The following PRKG1 variants were observed in gnomAD, a reference collection of about 807,000 sequenced individuals.
PRKG1 encodes the protein cGMP-dependent protein kinase 1.
A neutral mutation model predicts 88.1 loss-of-function variants in PRKG1; 35 were observed. That is an observed-to-expected ratio of 0.40 (90% CI 0.30 to 0.53). The LOEUF is 0.53. Among genes scored for constraint, PRKG1 ranks in the 20% least tolerant of loss-of-function variants. PRKG1 has a pLI of 0.59. For missense variants in PRKG1, 540 were observed against 839.8 expected, an observed-to-expected ratio of 0.64 and a Z score of 4.41; for synonymous variants, 303 against 292.5, an observed-to-expected ratio of 1.04 and a Z score of -0.37.
chr10:52,165,978 A>G (rs1245827592), intron 9 of PRKG1, among the ~76,000 whole-genome samples: 2 of 152,172 alleles, frequency 1.3e-5, no homozygotes, highest in Non-Finnish European at 2.9e-5. Flanking sequence ...GTCTCATGAG[A>G]TATATTTTCT....
chr10:51,393,740 A>G (rs1837502140), intron 2 of PRKG1, among the ~76,000 whole-genome samples: 1 of 152,204 alleles, frequency 6.6e-6, no homozygotes, highest in African/African-American at 2.4e-5. Context: ...TCACGTAGGT[A>G]TAGCAGCAGA....
intron 3 of PRKG1, among the ~76,000 whole-genome samples, chr10:51,561,916 T>C (rs988011341): frequency 6.6e-5 from 10 of 152,018 alleles, no homozygotes; most frequent in African/African-American, 9.7e-5. Flanking sequence ...GGAAGTGATA[T>C]AGAACTGGTT....
intron 8 of PRKG1, among the ~76,000 whole-genome samples, chr10:52,154,419 T>C (rs1838029935): frequency 6.6e-6 from 1 of 152,172 alleles, no homozygotes; most frequent in South Asian, 2.1e-4. Context: ...CTTATGTCTT[T>C]ACAGACTAGC....
intron 1 of PRKG1, among the ~76,000 whole-genome samples, chr10:51,129,038 A>G (rs1039881030): frequency 2.0e-5 from 3 of 152,178 alleles, no homozygotes; most frequent in Non-Finnish European, 2.9e-5. Flanking sequence ...CGGTCTCTGT[A>G]AATTTTTCAG....
At chr10:51,206,263 G>A (rs531200711) in intron 2 of PRKG1, among the ~76,000 whole-genome samples, 21 of 151,998 alleles carry the variant, frequency 1.4e-4, no homozygotes, top group African/African-American at 4.3e-4. Flanking sequence ...AGGCCGAGGC[G>A]GGTGGATCAC....
At chr10:51,418,066 T>C (rs1838294461) in intron 2 of PRKG1, among the ~76,000 whole-genome samples, 1 of 152,224 alleles carries the variant, frequency 6.6e-6, no homozygotes. Context: ...TCGTTTTTAT[T>C]CTTCTATGCT....
At chr10:51,370,058 A>G (rs1842669216) in intron 2 of PRKG1, among the ~76,000 whole-genome samples, 1 of 152,028 alleles carries the variant, frequency 6.6e-6, no homozygotes, top group South Asian at 2.1e-4. Flanking sequence ...GAGATGAGTA[A>G]TTTCTTGGTA....
chr10:51,288,934 A>G (rs931182397), intron 2 of PRKG1, among the ~76,000 whole-genome samples: 3 of 152,062 alleles, frequency 2.0e-5, no homozygotes, highest in Non-Finnish European at 4.4e-5. Flanking sequence ...ATTATGTATG[A>G]TATGTAAAAT....
chr10:52,074,418 G>A (rs915106202), intron 7 of PRKG1, among the ~76,000 whole-genome samples: 13 of 152,094 alleles, frequency 8.5e-5, no homozygotes, highest in Non-Finnish European at 1.3e-4. Context: ...GTCATTTTCC[G>A]TGGTGGAAAT....
At chr10:52,068,681 TTCA>T (rs141898847) in intron 7 of PRKG1, among the ~76,000 whole-genome samples, 2 of 151,806 alleles carry the variant, frequency 1.3e-5, no homozygotes, top group African/African-American at 2.4e-5. Flanking sequence ...CATCATCATC[TTCA>T]TCATCATCAT....
intron 2 of PRKG1, among the ~76,000 whole-genome samples, chr10:51,372,109 T>G (rs1842718087): frequency 6.6e-6 from 1 of 152,202 alleles, no homozygotes; most frequent in East Asian, 1.9e-4. Flanking sequence ...TGTTTCAGTA[T>G]TTCATGTCAT....
chr10:50,995,167 C>T (rs1489539063), intron 1 of PRKG1, among the ~76,000 whole-genome samples: 1 of 152,006 alleles, frequency 6.6e-6, no homozygotes, highest in Non-Finnish European at 1.5e-5. Flanking sequence ...TAAAAATTTA[C>T]GTAATAGGTG....
chr10:51,822,156 T>G (rs1839765502), intron 4 of PRKG1, among the ~76,000 whole-genome samples: 1 of 151,998 alleles, frequency 6.6e-6, no homozygotes, highest in South Asian at 2.1e-4. Flanking sequence ...TGTATATATG[T>G]ATATATACAT....
At chr10:51,663,547 AAG>A (rs1840349871) in intron 3 of PRKG1, among the ~76,000 whole-genome samples, 1 of 149,006 alleles carries the variant, frequency 6.7e-6, no homozygotes, top group South Asian at 2.1e-4. Flanking sequence ...TCTACAAAAA[AAG>A]AAAAAAAAAA....
At chr10:51,586,045 A>G (rs1018581401) in intron 3 of PRKG1, among the ~76,000 whole-genome samples, 5 of 152,268 alleles carry the variant, frequency 3.3e-5, no homozygotes, top group African/African-American at 1.2e-4. Flanking sequence ...TAGCTGGGTG[A>G]CAGGATCAAT....
At chr10:52,192,825 A>T (rs992284964) in intron 9 of PRKG1, among the ~76,000 whole-genome samples, 1 of 152,202 alleles carries the variant, frequency 6.6e-6, no homozygotes, top group African/African-American at 2.4e-5. Context: ...TTAAGGAGAT[A>T]GAAACCTCAT....
At chr10:51,957,191 C>T (rs1843330615) in intron 5 of PRKG1, among the ~76,000 whole-genome samples, 2 of 146,578 alleles carry the variant, frequency 1.4e-5, no homozygotes, top group Non-Finnish European at 3.0e-5. Flanking sequence ...TCCTTCCTCC[C>T]TCCTTTCCTC....
chr10:51,302,833 A>G (rs532523749), intron 2 of PRKG1: 1 of 152,342 alleles, frequency 6.6e-6, no homozygotes, highest in African/African-American at 2.4e-5. Flanking sequence ...TAGTAAGTCT[A>G]TAAAGAAGGT....
At chr10:51,507,886 G>A (rs1174543966) in intron 3 of PRKG1, among the ~76,000 whole-genome samples, 1 of 152,078 alleles carries the variant, frequency 6.6e-6, no homozygotes, top group African/African-American at 2.4e-5. Context: ...TTCTAATAAT[G>A]AACTCTTCTT....
Sources: gnomAD v4.1 joint callset for allele counts (sites outside exome capture counted in the v4.1 genomes callset) on GRCh38, gnomAD v4.1.1 for gene constraint, MANE v1.5 for transcripts, NCBI Gene and HGNC (gene_info 2026-07-23, HGNC 2026-07-21) for gene names.